Variants in CHST3 observed in about 807,000 individuals in gnomAD.
CHST3 encodes the protein carbohydrate sulfotransferase 3, also known as C6ST-1.
CHST3 carries 20 observed loss-of-function variants against 35.4 expected under a neutral mutation model. The ratio of observed to expected loss-of-function variants is 0.57; its 90% CI spans 0.40 to 0.82. CHST3 has a LOEUF of 0.82. CHST3 is among the 40% of genes least tolerant of loss of function. The pLI, the probability that CHST3 is intolerant of heterozygous loss-of-function variation, is 0.00. For missense variants in CHST3, 693 were observed against 670.1 expected, an observed-to-expected ratio of 1.03 and a Z score of -0.38; for synonymous variants, 334 against 295.9, an observed-to-expected ratio of 1.13 and a Z score of -1.32.
chr10:72,000,646 A>C (rs375845550), intron 1 of CHST3, among the ~76,000 whole-genome samples: 1 of 152,004 alleles, frequency 6.6e-6, no homozygotes, highest in Non-Finnish European at 1.5e-5. Context: ...CAGGGTCTGG[A>C]TCTTGAAGGC....
intron 1 of CHST3, among the ~76,000 whole-genome samples, chr10:71,966,044 A>G (rs1175056675): frequency 6.6e-6 from 1 of 152,118 alleles, no homozygotes; most frequent in South Asian, 2.1e-4. Context: ...CAATTGAAGA[A>G]TAACTTTAGA....
intron 1 of CHST3, among the ~76,000 whole-genome samples, chr10:71,996,260 C>CA (rs1839937051): frequency 6.6e-6 from 1 of 152,142 alleles, no homozygotes; most frequent in Non-Finnish European, 1.5e-5. Flanking sequence ...AAACTGTACT[C>CA]AAAGAGGTTT....
At position 72,011,287 on chromosome 10, in the gene CHST3, T is replaced by C. The variant is rs1023116442; in HGVS notation, c.*2816T>C. ...TGCTACATCAGGGCCCTTGCTGCTGTATTACCTCTGCCCGGGTGTTTGAGA... is the reference window on the plus strand; with the variant it reads ...TGCTACATCAGGGCCCTTGCTGCTGCATTACCTCTGCCCGGGTGTTTGAGA... On this transcript the variant is annotated 3_prime_UTR_variant, in exon 3 of 3. Transcript: ENST00000373115. 1.3e-5 allele frequency: 2 copies of C among 152,182 alleles called. No homozygotes were observed. Among genetic ancestry groups the C allele is most frequent in the Admixed American group, 6.5e-5 (1 of 15,280 alleles). The allele number at this position is 152,182 out of a possible 1,614,324, so 9.4% of individuals were successfully genotyped here. A position where few individuals can be genotyped will look rare whatever the true frequency, so the allele number is the denominator to read the frequency against.
At chr10:71,970,258 C>A (rs566296023) in intron 1 of CHST3, among the ~76,000 whole-genome samples, 7 of 152,168 alleles carry the variant, frequency 4.6e-5, no homozygotes, top group Admixed American at 6.5e-5. Flanking sequence ...CCTCACCCCC[C>A]ACCACCTCCT....
chr10:72,007,029 A>G lies in CHST3; in HGVS notation c.141-143A>G, dbSNP rs916651121. On this transcript the variant is annotated intron_variant, in intron 2 of 2. Transcript: ENST00000373115. The stretch of plus-strand genomic sequence containing the variant: ...TCATGTCCCAAATAAACTTACTTAA[A>G]CACAAATCCTTGCCTCAACGTCTGC... 4 of 902,800 alleles carry G rather than the reference A, an allele frequency of 4.4e-6. No individual in the cohort carries two copies. In the African/African-American group the frequency reaches 6.6e-5, roughly 15 times the overall value. The allele number at this position is 902,800 out of a possible 1,614,324, so 55.9% of individuals were successfully genotyped here. A position where few individuals can be genotyped will look rare whatever the true frequency, so the allele number is the denominator to read the frequency against.
At chr10:71,979,380 G>A (rs557382831) in intron 1 of CHST3, among the ~76,000 whole-genome samples, 2 of 152,206 alleles carry the variant, frequency 1.3e-5, no homozygotes, top group Admixed American at 6.5e-5. Flanking sequence ...GTCTCGGGAG[G>A]GGGGTTAGAT....
At chr10:71,997,007 C>T (rs149659474) in intron 1 of CHST3, among the ~76,000 whole-genome samples, 2,425 of 152,196 alleles carry the variant, frequency 0.016, 73 homozygotes, top group African/African-American at 0.055. Flanking sequence ...TCTCCTGCCT[C>T]GGCCTCACCG....
intron 1 of CHST3, among the ~76,000 whole-genome samples, chr10:71,965,329 G>A (rs937284714): frequency 3.3e-5 from 5 of 152,220 alleles, no homozygotes; most frequent in Admixed American, 1.3e-4. Flanking sequence ...CAGAGCCGGC[G>A]TGCCAGGGTC....
At position 72,007,900 on chromosome 10, in the gene CHST3, C is replaced by G. The variant is rs768963465; in HGVS notation, c.869C>G (p.Pro290Arg). ...TTCCTGCAGCCGCTGGCCGAGGACC[C>G]CCGCCTGGACCTGCGCGTCATCCAG... Reference protein sequence around the residue: ...LEFLQPLAEDPRLDLRVIQLV... With the variant: ...LEFLQPLAEDRRLDLRVIQLV... Residue 290 changes from proline (P) to arginine (R), a missense_variant, in exon 3 of 3, where the codon CCC becomes CGC. Transcript: ENST00000373115. 35 of 1,574,216 alleles carry G rather than the reference C, an allele frequency of 2.2e-5. No homozygotes were observed. The East Asian group carries it at 8.3e-4, about 37-fold the overall frequency.
chr10:71,986,865 A>G (rs1222970439), intron 1 of CHST3, among the ~76,000 whole-genome samples: 1 of 152,198 alleles, frequency 6.6e-6, no homozygotes, highest in Non-Finnish European at 1.5e-5. Context: ...GACCAGCAAT[A>G]ATGCCCAGCC....
intron 1 of CHST3, among the ~76,000 whole-genome samples, chr10:71,980,404 A>G (rs1332007323): frequency 6.6e-6 from 1 of 151,624 alleles, no homozygotes; most frequent in Non-Finnish European, 1.5e-5. Context: ...TATCATTATG[A>G]TACAGAGGCA....
intron 1 of CHST3, among the ~76,000 whole-genome samples, chr10:71,977,446 C>T: frequency 8.0e-6 from 1 of 125,356 alleles, no homozygotes; most frequent in South Asian, 2.4e-4. Context: ...CCCCTAAGCT[C>T]GATTTTTTTT....
intron 1 of CHST3, among the ~76,000 whole-genome samples, chr10:71,968,607 C>T (rs891414172): frequency 6.6e-6 from 1 of 152,150 alleles, no homozygotes; most frequent in Non-Finnish European, 1.5e-5. Flanking sequence ...TCTGCAAGGC[C>T]CTTATTGGTT....
intron 1 of CHST3, among the ~76,000 whole-genome samples, chr10:71,982,325 A>G (rs1839808311): frequency 6.6e-6 from 1 of 152,252 alleles, no homozygotes. Context: ...AGCCATGGAA[A>G]GCAGATAGCC....
chr10:71,978,024 C>T (rs1839763775), intron 1 of CHST3, among the ~76,000 whole-genome samples: 1 of 152,356 alleles, frequency 6.6e-6, no homozygotes, highest in South Asian at 2.1e-4. Context: ...CTTCTTCCTA[C>T]GCCTTCCTAT....
chr10:72,008,077 G>T lies in CHST3; in HGVS notation c.1046G>T (p.Arg349Leu), dbSNP rs757308643. 13 of 1,545,784 alleles carry T rather than the reference G, an allele frequency of 8.4e-6. No homozygotes were observed. Among genetic ancestry groups the T allele is most frequent in the Non-Finnish European group, 1.1e-5 (13 of 1,144,214 alleles). ...CTGCGGGGCAACTGCGAGAGCATCC[G>T]CCTGTCCGCGGAGCTGGGGCTGCGG... ...QRLRGNCESI[R>L]LSAELGLRQP... The change falls in exon 3 of 3, where the codon CGC becomes CTC. Residue 349 changes from arginine (R) to leucine (L), a missense_variant. Transcript: ENST00000373115.
intron 1 of CHST3, among the ~76,000 whole-genome samples, chr10:71,970,488 C>T (rs1045958084): frequency 1.3e-5 from 2 of 152,194 alleles, no homozygotes; most frequent in Non-Finnish European, 2.9e-5. Flanking sequence ...ACACCTGCCC[C>T]CTCCCCGCCC....
Position 72,007,977 on chromosome 10 carries a change from G to C in CHST3, c.946G>C (p.Gly316Arg). 1 of 1,549,446 alleles carries C rather than the reference G, an allele frequency of 6.5e-7. No homozygotes were observed. Among genetic ancestry groups the C allele is most frequent in the South Asian group, 1.2e-5 (1 of 84,058 alleles). ...GGCCTCGCGCATGGTGGCCTTCGCC[G>C]GCAAGTATAAGACCTGGAAGAAGTG... is the stretch of plus-strand genomic sequence containing the variant. ...VLASRMVAFA[G>R]KYKTWKKWLD... Residue 316 changes from glycine (G) to arginine (R), a missense_variant, in exon 3 of 3, where the codon GGC (glycine) becomes CGC (arginine). By Grantham distance (125) the Gly-to-Arg change is moderately radical. Transcript: ENST00000373115.
intron 1 of CHST3, among the ~76,000 whole-genome samples, chr10:71,999,210 C>T (rs1839969319): frequency 6.6e-6 from 1 of 152,220 alleles, no homozygotes; most frequent in Non-Finnish European, 1.5e-5. Flanking sequence ...AAAAACCAGG[C>T]AGGCTGGCAT....
Sources: gnomAD v4.1 joint callset for allele counts (sites outside exome capture counted in the v4.1 genomes callset) on GRCh38, gnomAD v4.1.1 for gene constraint, MANE v1.5 for transcripts, NCBI Gene and HGNC (gene_info 2026-07-23, HGNC 2026-07-21) for gene names.